Variants in LIMK1 observed in about 807,000 individuals in gnomAD.
LIMK1 encodes LIM motif-containing protein kinase.
A neutral mutation model predicts 77.6 loss-of-function variants in LIMK1; 21 were observed. That is an observed-to-expected ratio of 0.27 (90% CI 0.19 to 0.39). The LOEUF is 0.39. Among genes scored for constraint, LIMK1 ranks in the 10% least tolerant of loss-of-function variants. The pLI, the probability that LIMK1 is intolerant of heterozygous loss-of-function variation, is 1.00. For synonymous variants in LIMK1, 358 were observed against 370.0 expected, an observed-to-expected ratio of 0.97 and a Z score of 0.37; for missense variants, 696 against 901.6, an observed-to-expected ratio of 0.77 and a Z score of 2.92.
chr7:74,108,148 GGCAACATA>G (rs1412470371), intron 9 of LIMK1, among the ~76,000 whole-genome samples, 191 bp downstream of exon 9: 1 of 150,754 alleles, frequency 6.6e-6, no homozygotes, highest in Non-Finnish European at 1.5e-5. Flanking sequence ...GACCAACCTG[GGCAACATA>G]GCAAGACCCC....
intron 10 of LIMK1, 84 bp downstream of exon 10, chr7:74,109,120 C>T (rs1184063505): frequency 1.8e-6 from 2 of 1,104,076 alleles, no homozygotes; most frequent in African/African-American, 3.1e-5. Context: ...CTCATCTCTT[C>T]AATGGGGGGA....
intron 2 of LIMK1, chr7:74,093,917 C>CGGGGCA (rs10679951): frequency 0.88 from 132,366 of 151,230 alleles, 59,108 homozygotes; most frequent in Non-Finnish European, 0.96. Flanking sequence ...GGGTGAGGGG[C>CGGGGCA]GGGGCAGGGG....
intron 1 of LIMK1, among the ~76,000 whole-genome samples, chr7:74,084,968 C>T (rs1411585693): frequency 6.6e-6 from 1 of 152,224 alleles, no homozygotes; most frequent in Non-Finnish European, 1.5e-5. Context: ...TGCGTCTTCA[C>T]AGAGGGTCAG....
chr7:74,120,919 G>T lies in LIMK1; in HGVS notation c.1651G>T (p.Asp551Tyr). 6.2e-7 allele frequency: 1 copy of T among 1,614,154 alleles called. No homozygotes were observed. The highest frequency in any genetic ancestry group is 8.5e-7 in the Non-Finnish European group (1 of 1,180,010). ...CATCGGGCGGGTGAACGCAGACCCT[G>T]ACTACCTGCCCCGCACCATGGACTT... ...EIIGRVNADPDYLPRTMDFGL... is the reference protein window; with the variant it reads ...EIIGRVNADPYYLPRTMDFGL... Residue 551 changes from aspartate (D) to tyrosine (Y), a missense_variant, in exon 15 of 16, where the codon GAC (aspartate) becomes TAC (tyrosine). Transcript: ENST00000336180.
At chr7:74,105,115 G>A (rs1419464351) in intron 5 of LIMK1, among the ~76,000 whole-genome samples, 4 of 152,108 alleles carry the variant, frequency 2.6e-5, no homozygotes, top group African/African-American at 7.2e-5. Flanking sequence ...TGCCACGCTC[G>A]GCTAATTTTT....
intron 2 of LIMK1, among the ~76,000 whole-genome samples, chr7:74,088,630 C>T (rs542343708): frequency 9.9e-5 from 15 of 151,746 alleles, no homozygotes; most frequent in African/African-American, 1.9e-4. Context: ...GTGAAACCCC[C>T]GTCTCTACTA....
At chr7:74,108,032 GA>G in intron 9 of LIMK1, 75 bp downstream of exon 9, 4 of 1,074,556 alleles carry the variant, frequency 3.7e-6, no homozygotes, top group Admixed American at 4.0e-5. Context: ...ACACAGGTCG[GA>G]AAAGGGCTCT....
intron 13 of LIMK1, among the ~76,000 whole-genome samples, chr7:74,116,732 C>T (rs1799821072): frequency 6.7e-6 from 1 of 149,626 alleles, no homozygotes; most frequent in East Asian, 2.0e-4. Flanking sequence ...AAGAGGGTCT[C>T]GCTCTGTTAC....
In LIMK1 at chr7:74,105,883, C is replaced by G. The variant is rs782476671; in HGVS notation, c.617C>G (p.Pro206Arg). The G allele has an allele frequency of 2.5e-6, 4 of 1,612,970 alleles. No homozygotes were observed. The highest frequency in any genetic ancestry group is 3.4e-6 in the Non-Finnish European group (4 of 1,179,350). ...SHTVRVQGVD[P>R]GCMSPDVKNS... ...CCCTGCCTTACCCACAGAGTGGATC[C>G]GGGCTGCATGAGCCCAGATGTGAAG... The change falls in exon 6 of 16, where the codon CCG (proline) becomes CGG (arginine). Residue 206 changes from proline (P) to arginine (R), a missense_variant. Transcript: ENST00000336180.
rs556324420 is a variant in LIMK1 at position 74,099,496 on chromosome 7, C to T, written c.608+258C>T. Among the ~76,000 whole-genome samples, 8 of 152,156 alleles carry T rather than the reference C, an allele frequency of 5.3e-5. No homozygotes were observed. The East Asian group carries it at 9.7e-4, about 18-fold the overall frequency. The stretch of plus-strand genomic sequence containing the variant: ...CTGTAATCTCAGCACTTCGGGAGGC[C>T]GAAGTGGGTGGATCACCTGAGGTCA... On this transcript the variant is annotated intron_variant, in intron 5 of 15. Coordinates refer to ENST00000336180, the MANE Select transcript of LIMK1 (RefSeq NM_002314.4).
At chr7:74,090,730 GA>G (rs1478949102) in intron 2 of LIMK1, among the ~76,000 whole-genome samples, 1 of 152,204 alleles carries the variant, frequency 6.6e-6, no homozygotes, top group African/African-American at 2.4e-5. Context: ...ATAAGGCCAT[GA>G]GGGGTCTGCA....
At chr7:74,103,777 C>A (rs982441951) in intron 5 of LIMK1, among the ~76,000 whole-genome samples, 1 of 151,978 alleles carries the variant, frequency 6.6e-6, no homozygotes, top group Non-Finnish European at 1.5e-5. Context: ...CTCCCCCATA[C>A]GAGAATAGTC....
At chr7:74,084,663 TCA>T (rs1799098621) in intron 1 of LIMK1, among the ~76,000 whole-genome samples, 1 of 152,124 alleles carries the variant, frequency 6.6e-6, no homozygotes, top group Non-Finnish European at 1.5e-5. Flanking sequence ...GTGCCTGCCC[TCA>T]GTCTTGGCTG....
rs1554700399 is a variant in LIMK1 at position 74,120,722 on chromosome 7, G to A, written c.1623+84G>A. The A allele has an allele frequency of 2.6e-6, 4 of 1,559,942 alleles. No homozygotes were observed. In the East Asian group the frequency reaches 6.7e-5, roughly 26 times the overall value. On this transcript the variant is annotated intron_variant, in intron 14 of 15. Coordinates refer to ENST00000336180, the MANE Select transcript of LIMK1 (RefSeq NM_002314.4). ...GGCTGCAGGCTCAGCATCTGCAGGG[G>A]CCTCATGCCAGGAAGCCTGCCCACA...
intron 2 of LIMK1, among the ~76,000 whole-genome samples, chr7:74,091,061 C>G (rs1450560920): frequency 1.3e-5 from 2 of 152,070 alleles, no homozygotes; most frequent in Non-Finnish European, 2.9e-5. Flanking sequence ...CTACAGGCGC[C>G]CACCACCACA....
intron 1 of LIMK1, among the ~76,000 whole-genome samples, chr7:74,085,111 C>T (rs1423594725): frequency 6.6e-6 from 1 of 152,218 alleles, no homozygotes; most frequent in Non-Finnish European, 1.5e-5. Flanking sequence ...CCAAGGGTGC[C>T]AGGCCCCAAG....
At chr7:74,111,774 A>C (rs978150863) in intron 11 of LIMK1, 67 bp downstream of exon 11, 16 of 1,536,862 alleles carry the variant, frequency 1.0e-5, no homozygotes, top group Non-Finnish European at 1.3e-5. Context: ...GAACCCACAA[A>C]GAAGCTTTGA....
chr7:74,102,201 G>T (rs185106993), intron 5 of LIMK1, among the ~76,000 whole-genome samples: 1 of 151,456 alleles, frequency 6.6e-6, no homozygotes, highest in African/African-American at 2.4e-5. Context: ...TTTCATCTTC[G>T]CATTTTGCAG....
At chr7:74,095,349 C>CA (rs1563914055) in intron 2 of LIMK1, among the ~76,000 whole-genome samples, 1 of 152,210 alleles carries the variant, frequency 6.6e-6, no homozygotes, top group Non-Finnish European at 1.5e-5. Flanking sequence ...CATGCCCCCC[C>CA]ACAGCAGGAC....
Sources: allele counts gnomAD v4.1 joint callset (sites outside exome capture counted in the v4.1 genomes callset), GRCh38; gene constraint gnomAD v4.1.1; transcripts MANE v1.5; gene names NCBI Gene and HGNC (gene_info 2026-07-23, HGNC 2026-07-21).